Variants in ATP2B1 observed in about 807,000 individuals in gnomAD.
ATP2B1 encodes the protein plasma membrane calcium-transporting ATPase 1.
A neutral mutation model predicts 124.2 loss-of-function variants in ATP2B1; 14 were observed. The observed-to-expected ratio is 0.11, with a 90% confidence interval of 0.07 to 0.18. The LOEUF (loss-of-function observed/expected upper bound fraction) is 0.18, where lower values mean the gene tolerates loss of function less well. Ranked by LOEUF, ATP2B1 falls within the 10% of genes least tolerant of loss-of-function variation. The pLI is 1.00. For missense variants in ATP2B1, 763 were observed against 1,466.1 expected, an observed-to-expected ratio of 0.52 and a Z score of 7.83; for synonymous variants, 449 against 492.4, an observed-to-expected ratio of 0.91 and a Z score of 1.17.
intron 12 of ATP2B1, chr12:89,611,589 C>T (rs746121474): frequency 2.0e-5 from 8 of 406,464 alleles, no homozygotes; most frequent in Admixed American, 1.3e-4. Context: ...GCTCAGGCTT[C>T]GTTTTCAGTT....
Position 89,599,251 on chromosome 12 carries a change from C to G in ATP2B1, c.3217G>C (p.Gly1073Arg). The stretch of plus-strand genomic sequence containing the variant: ...ATTTCTTCCTTTTGTGTTCCATGAC[C>G]AGCTTCTTTGAGGAATTTTAAACGG... Reference protein sequence around the residue: ...TSRLKFLKEAGHGTQKEEIPE... With the variant: ...TSRLKFLKEARHGTQKEEIPE... Residue 1073 changes from glycine (G) to arginine (R), a missense_variant, in exon 20 of 21, where the codon GGT (glycine) becomes CGT (arginine). This residue lies in a region of ATP2B1 where 118 missense variants were observed against 240.3 expected (regional missense o/e 0.49). Transcript: ENST00000428670. 6.2e-7 allele frequency: 1 copy of G among 1,614,122 alleles called. No individual in the cohort carries two copies. The highest frequency in any genetic ancestry group is 8.5e-7 in the Non-Finnish European group (1 of 1,180,002).
intron 1 of ATP2B1, among the ~76,000 whole-genome samples, chr12:89,706,944 T>C (rs1427391455): frequency 2.0e-5 from 3 of 151,878 alleles, no homozygotes; most frequent in Non-Finnish European, 2.9e-5. Flanking sequence ...TAAAGCAAGG[T>C]AAAAACTAAA....
chr12:89,687,501 A>C (rs938849306), intron 1 of ATP2B1, among the ~76,000 whole-genome samples: 5 of 152,016 alleles, frequency 3.3e-5, no homozygotes, highest in African/African-American at 1.2e-4. Context: ...GTACTTGAAC[A>C]TCTGTGGGTT....
At chr12:89,602,234 C>G (rs760820860) in intron 18 of ATP2B1, among the ~76,000 whole-genome samples, 18 of 152,006 alleles carry the variant, frequency 1.2e-4, no homozygotes, top group Non-Finnish European at 2.5e-4. Flanking sequence ...GAGTTCAAGA[C>G]CAGCCTAGGC....
intron 8 of ATP2B1, 89 bp downstream of exon 8, chr12:89,626,365 A>C (rs1435938208): frequency 2.2e-6 from 3 of 1,386,424 alleles, no homozygotes; most frequent in Non-Finnish European, 2.9e-6. Flanking sequence ...CAAAGCAACA[A>C]TTTCCAGCCT....
chr12:89,627,621 T>C (rs1035330280), intron 7 of ATP2B1, 57 bp downstream of exon 7: 3 of 1,566,398 alleles, frequency 1.9e-6, no homozygotes, highest in African/African-American at 2.7e-5. Context: ...TGGTATACAG[T>C]AGATTTTTGG....
At chr12:89,699,414 A>C (rs1891551884) in intron 1 of ATP2B1, among the ~76,000 whole-genome samples, 1 of 152,264 alleles carries the variant, frequency 6.6e-6, no homozygotes, top group Non-Finnish European at 1.5e-5. Flanking sequence ...TCACAGACGA[A>C]ACGTCAAAAT....
At chr12:89,700,158 A>T (rs1891667001) in intron 1 of ATP2B1, among the ~76,000 whole-genome samples, 1 of 151,956 alleles carries the variant, frequency 6.6e-6, no homozygotes, top group Non-Finnish European at 1.5e-5. Flanking sequence ...TCGGCCAAAG[A>T]CAGGGTAACA....
intron 1 of ATP2B1, among the ~76,000 whole-genome samples, chr12:89,682,579 T>C (rs750342545): frequency 5.3e-5 from 8 of 152,164 alleles, no homozygotes; most frequent in Non-Finnish European, 1.0e-4. Flanking sequence ...ATGACAATGG[T>C]AGTAGCTTAA....
intron 3 of ATP2B1, among the ~76,000 whole-genome samples, 156 bp from the exon 4 acceptor site, chr12:89,635,407 T>G (rs1882543290): frequency 6.6e-6 from 1 of 152,208 alleles, no homozygotes; most frequent in Non-Finnish European, 1.5e-5. Flanking sequence ...CCATAAGAAC[T>G]CTATGTCACT....
At chr12:89,641,349 G>A (rs1883476207) in intron 3 of ATP2B1, among the ~76,000 whole-genome samples, 1 of 152,194 alleles carries the variant, frequency 6.6e-6, no homozygotes, top group Non-Finnish European at 1.5e-5. Context: ...TACAGGTTGA[G>A]TATCCCTTTT....
At chr12:89,597,763 T>G (rs995459056) in intron 20 of ATP2B1, among the ~76,000 whole-genome samples, 8 of 152,146 alleles carry the variant, frequency 5.3e-5, no homozygotes, top group Middle Eastern at 3.2e-3. Context: ...TTATAGCTTA[T>G]AAGGCTTTTA....
intron 1 of ATP2B1, among the ~76,000 whole-genome samples, chr12:89,696,010 G>A (rs939449050): frequency 1.3e-5 from 2 of 152,182 alleles, no homozygotes; most frequent in Admixed American, 1.3e-4. Context: ...AGACACAAGA[G>A]GCTCATTCAA....
chr12:89,616,719 A>T, intron 12 of ATP2B1, 83 bp downstream of exon 12: 1 of 1,311,356 alleles, frequency 7.6e-7, no homozygotes, highest in Non-Finnish European at 1.1e-6. Flanking sequence ...CAAGAATTTT[A>T]CTAGAAAACT....
rs767296812 is a variant in ATP2B1, at chr12:89,642,300, A to G, written c.264T>C (p.Asn88=). ...TTTTTGGCTTTTTAGGAGGTATAAA[A>G]TTCTTTCCAAACACTGCTTCTCTTC... ...LERREAVFGK[N]FIPPKKPKTF... The change falls in exon 3 of 21, where the codon AAT becomes AAC. Residue 88 remains asparagine, a synonymous_variant. Coordinates refer to ENST00000428670, the MANE Select transcript of ATP2B1 (RefSeq NM_001366521.1). 6 of 1,613,696 alleles carry G rather than the reference A, an allele frequency of 3.7e-6. No individual in the cohort carries two copies. The African/African-American group carries it at 8.0e-5, about 22-fold the overall frequency.
At chr12:89,706,368 G>A (rs1379497354) in intron 1 of ATP2B1, among the ~76,000 whole-genome samples, 3 of 150,338 alleles carry the variant, frequency 2.0e-5, no homozygotes, top group Non-Finnish European at 4.4e-5. Context: ...TCTGTTAATA[G>A]GCCTACAGCT....
intron 20 of ATP2B1, chr12:89,594,518 C>A (rs970156533): frequency 6.6e-6 from 1 of 150,574 alleles, no homozygotes; most frequent in Non-Finnish European, 1.5e-5. Flanking sequence ...TTATACCCCT[C>A]GAAATTATCA....
At position 89,630,726 on chromosome 12, in the gene ATP2B1, T is replaced by C. The variant is rs1881713149; in HGVS notation, c.788-81A>G. 5.4e-6 allele frequency: 5 copies of C among 920,548 alleles called. No individual in the cohort carries two copies. In the South Asian group the frequency reaches 1.9e-4, roughly 35 times the overall value. 57.0% of individuals were successfully genotyped at this position (920,548 alleles called of 1,614,324 possible). A position where few individuals can be genotyped will look rare whatever the true frequency, so the allele number is the denominator to read the frequency against. Reference sequence around the variant, plus strand: ...ACCAAATTTCAAACTTCAGTAATATTGTTTTTAACAGCCTCAACATTTAGG... The same window carrying C: ...ACCAAATTTCAAACTTCAGTAATATCGTTTTTAACAGCCTCAACATTTAGG... On this transcript the variant is annotated intron_variant, in intron 5 of 20. Coordinates refer to ENST00000428670, the MANE Select transcript of ATP2B1 (RefSeq NM_001366521.1).
At chr12:89,692,107 T>C (rs867586605) in intron 1 of ATP2B1, among the ~76,000 whole-genome samples, 4 of 152,048 alleles carry the variant, frequency 2.6e-5, no homozygotes, top group Admixed American at 1.3e-4. Flanking sequence ...ATGAAACCTA[T>C]ACACTTTAAG....
Sources: allele counts gnomAD v4.1 joint callset (sites outside exome capture counted in the v4.1 genomes callset), GRCh38; gene constraint gnomAD v4.1.1; regional missense constraint gnomAD v4.1.1; transcripts MANE v1.5; gene names NCBI Gene and HGNC (gene_info 2026-07-23, HGNC 2026-07-21).